Variants in ADORA2B observed in about 807,000 individuals in gnomAD.
ADORA2B encodes the protein adenosine A2b receptor.
A neutral mutation model predicts 20.8 loss-of-function variants in ADORA2B; 18 were observed. That is an observed-to-expected ratio of 0.87 (90% CI 0.60 to 1.29). The LOEUF is 1.29. Among genes scored for constraint, ADORA2B ranks in the 50% most tolerant of loss-of-function variants. ADORA2B has a pLI of 0.00. For synonymous variants in ADORA2B, 179 were observed against 178.3 expected (o/e 1.00, Z -0.03); for missense variants, 441 against 422.7 (o/e 1.04, Z -0.38).
the ADORA2B span, among the ~76,000 whole-genome samples, chr17:15,860,087 T>C: frequency 3.3e-5 from 5 of 152,264 alleles, no homozygotes; most frequent in African/African-American, 1.2e-4. Context: ...TCTGTTCCGT[T>C]CTAATTACTG....
chr17:15,953,743 A>G (rs1169365142), intron 1 of ADORA2B, among the ~76,000 whole-genome samples: 1 of 152,126 alleles, frequency 6.6e-6, no homozygotes, highest in East Asian at 1.9e-4. Flanking sequence ...CCGCGCTGTT[A>G]CTGTGAGCGC....
the ADORA2B span, among the ~76,000 whole-genome samples, chr17:15,898,087 G>T: frequency 6.6e-6 from 1 of 152,122 alleles, no homozygotes; most frequent in Non-Finnish European, 1.5e-5. Flanking sequence ...TACAAGTCCA[G>T]GGAATTTAAA....
chr17:15,958,307 C>T (rs1969995706), intron 1 of ADORA2B, among the ~76,000 whole-genome samples: 1 of 152,192 alleles, frequency 6.6e-6, no homozygotes, highest in South Asian at 2.1e-4. Context: ...CGTGAGCCAC[C>T]ACGCCCGGCC....
intron 1 of ADORA2B, among the ~76,000 whole-genome samples, chr17:15,970,671 C>T (rs1325977704): frequency 6.6e-6 from 1 of 152,156 alleles, no homozygotes. Flanking sequence ...GCTGTGTTAA[C>T]GGAGTACCTC....
chr17:15,910,279 G>A, the ADORA2B span, among the ~76,000 whole-genome samples: 1 of 152,070 alleles, frequency 6.6e-6, no homozygotes, highest in African/African-American at 2.4e-5. Flanking sequence ...GGCTTTGAAT[G>A]CGGCCCAACA....
At chr17:15,850,592 C>T in the ADORA2B span, 15,068 of 165,450 alleles carry the variant, frequency 0.091, 884 homozygotes, top group South Asian at 0.22. Flanking sequence ...CAGAATACTT[C>T]TGTCCATAAG....
chr17:15,856,931 A>G, the ADORA2B span, among the ~76,000 whole-genome samples: 1 of 152,256 alleles, frequency 6.6e-6, no homozygotes, highest in Admixed American at 6.5e-5. Context: ...AAGGAGCCGA[A>G]TGTTAATCAC....
chr17:15,858,953 C>T, the ADORA2B span: 1 of 152,140 alleles, frequency 6.6e-6, no homozygotes, highest in African/African-American at 2.4e-5. Context: ...GCCAGCTGCA[C>T]CTCTCAGTGT....
chr17:15,925,651 T>C, the ADORA2B span, among the ~76,000 whole-genome samples: 1 of 152,204 alleles, frequency 6.6e-6, no homozygotes, highest in African/African-American at 2.4e-5. Context: ...CTGTTCTCTT[T>C]CTGCGTATTT....
chr17:15,945,214 C>T lies in ADORA2B; in HGVS notation c.-35C>T. 7.2e-7 allele frequency: 1 copy of T among 1,379,564 alleles called. No individual in the cohort carries two copies. The highest frequency in any genetic ancestry group is 9.3e-7 in the Non-Finnish European group (1 of 1,074,508). The allele number at this position is 1,379,564 out of a possible 1,614,324, so 85.5% of individuals were successfully genotyped here. ...GGCTGCCCCTCGCCCGGCGCGCCTT[C>T]GGTAGGGGGCGCCCGGGGCCCAGCT... is the stretch of plus-strand genomic sequence containing the variant. On this transcript the variant is annotated 5_prime_UTR_variant, in exon 1 of 2. Transcript: ENST00000304222.
chr17:15,962,764 C>T (rs575554657), intron 1 of ADORA2B, among the ~76,000 whole-genome samples: 6 of 152,306 alleles, frequency 3.9e-5, no homozygotes, highest in Admixed American at 2.6e-4. Flanking sequence ...GCAATTCACC[C>T]GCCTTGGCCT....
chr17:15,874,583 T>G, the ADORA2B span, among the ~76,000 whole-genome samples: 1 of 151,642 alleles, frequency 6.6e-6, no homozygotes, highest in Non-Finnish European at 1.5e-5. Flanking sequence ...TACCAGCTAC[T>G]TAAGAGGCTA....
the ADORA2B span, among the ~76,000 whole-genome samples, chr17:15,922,000 A>G: frequency 6.6e-6 from 1 of 152,360 alleles, no homozygotes; most frequent in Non-Finnish European, 1.5e-5. Flanking sequence ...GGGTTCTGTT[A>G]CAAAAAGGAA....
the ADORA2B span, among the ~76,000 whole-genome samples, chr17:15,854,247 G>T: frequency 1.3e-5 from 2 of 152,130 alleles, no homozygotes; most frequent in Admixed American, 6.5e-5. Flanking sequence ...GAGCCACCGC[G>T]CCTGGCCTCA....
the ADORA2B span, among the ~76,000 whole-genome samples, chr17:15,898,811 C>T: frequency 6.6e-6 from 1 of 152,198 alleles, no homozygotes; most frequent in Non-Finnish European, 1.5e-5. Context: ...TGCTGACACA[C>T]ATGATAAGTA....
the ADORA2B span, among the ~76,000 whole-genome samples, chr17:15,871,660 G>A: frequency 6.6e-6 from 1 of 152,314 alleles, no homozygotes; most frequent in South Asian, 2.1e-4. Context: ...AGGGGCCCAT[G>A]TGACCAGCCC....
chr17:15,872,509 A>T, the ADORA2B span, among the ~76,000 whole-genome samples: 1 of 152,046 alleles, frequency 6.6e-6, no homozygotes, highest in East Asian at 1.9e-4. Flanking sequence ...CAGTATGATC[A>T]TTTTCACAAT....
chr17:15,969,362 G>A (rs556053292), intron 1 of ADORA2B, among the ~76,000 whole-genome samples: 17 of 152,206 alleles, frequency 1.1e-4, no homozygotes, highest in Admixed American at 2.0e-4. Context: ...GCTGAGGCAG[G>A]AGAATCGCTT....
chr17:15,914,837 G>A, the ADORA2B span, among the ~76,000 whole-genome samples: 1 of 152,206 alleles, frequency 6.6e-6, no homozygotes, highest in Non-Finnish European at 1.5e-5. Context: ...ACTGACACAG[G>A]AGAATTTCCA....
Sources: allele counts gnomAD v4.1 joint callset (sites outside exome capture counted in the v4.1 genomes callset), GRCh38; gene constraint gnomAD v4.1.1; transcripts MANE v1.5; gene names NCBI Gene and HGNC (gene_info 2026-07-23, HGNC 2026-07-21).